DOCK1: variants seen among roughly 807,000 people sequenced by gnomAD.
DOCK1 encodes the protein dedicator of cytokinesis 1, also known as dedicator of cytokinesis protein 1.
DOCK1 carries 138 observed loss-of-function variants against 262.7 expected under a neutral mutation model. The ratio of observed to expected loss-of-function variants is 0.53; its 90% CI spans 0.46 to 0.61. The LOEUF (loss-of-function observed/expected upper bound fraction) is 0.61. Among genes scored for constraint, DOCK1 ranks in the 20% least tolerant of loss-of-function variants. The pLI is 0.00. For missense variants in DOCK1, 1,908 were observed against 2,370.7 expected (o/e 0.80, Z 4.05); for synonymous variants, 866 against 867.4 (o/e 1.00, Z 0.03).
intron 38 of DOCK1, among the ~76,000 whole-genome samples, chr10:127,394,452 C>T (rs1255585599): frequency 6.6e-6 from 1 of 151,286 alleles, no homozygotes; most frequent in Non-Finnish European, 1.5e-5. Context: ...ATCTCTTTTC[C>T]AAGTATTTGG....
chr10:127,247,417 CA>C (rs1229403949), intron 27 of DOCK1, among the ~76,000 whole-genome samples: 3 of 152,084 alleles, frequency 2.0e-5, no homozygotes, highest in Non-Finnish European at 4.4e-5. Context: ...ACATCGGGCA[CA>C]GGGGGATACA....
intron 29 of DOCK1, among the ~76,000 whole-genome samples, chr10:127,313,090 G>A (rs1475075147): frequency 6.6e-6 from 1 of 152,068 alleles, no homozygotes; most frequent in Non-Finnish European, 1.5e-5. Flanking sequence ...CTCTCTGCTA[G>A]ACATCATGAC....
chr10:127,201,328 G>A (rs2057449013), intron 27 of DOCK1, among the ~76,000 whole-genome samples: 1 of 152,222 alleles, frequency 6.6e-6, no homozygotes, highest in Non-Finnish European at 1.5e-5. Flanking sequence ...GGTCCTGGCA[G>A]CCGAGCCGTG....
At chr10:127,006,836 G>C (rs2041064752) in intron 10 of DOCK1, among the ~76,000 whole-genome samples, 1 of 152,264 alleles carries the variant, frequency 6.6e-6, no homozygotes, top group African/African-American at 2.4e-5. Context: ...AGCTCTGCAG[G>C]CACCCAGCAA....
intron 27 of DOCK1, among the ~76,000 whole-genome samples, chr10:127,247,558 A>G (rs964096128): frequency 6.6e-6 from 1 of 152,088 alleles, no homozygotes; most frequent in Non-Finnish European, 1.5e-5. Context: ...CATGATTTCC[A>G]TCCTGTCTTT....
intron 27 of DOCK1, among the ~76,000 whole-genome samples, chr10:127,204,835 A>G (rs189512425): frequency 1.2e-4 from 18 of 152,270 alleles, no homozygotes; most frequent in Admixed American, 1.0e-3. Context: ...GATACCCTCA[A>G]TGGCTGCTCT....
In DOCK1 at chr10:127,175,603, C is replaced by T; in HGVS notation, c.2847+47839C>T. The T allele has an allele frequency of 1.2e-6, 2 of 1,612,492 alleles. No homozygotes were observed. Among genetic ancestry groups the T allele is most frequent in the Non-Finnish European group, 1.7e-6 (2 of 1,179,896 alleles). On this transcript the variant is annotated intron_variant, in intron 27 of 51. Transcript: ENST00000623213. The surrounding 1 kb of genome is among the most constrained non-coding windows in gnomAD (Gnocchi z 6.3). Reference sequence around the variant, plus strand: ...GAGTCTGACAAACCAGGCTCGGGGGCCCTGGCACTGAGGGCAGGTGCGTAA... The same window carrying T: ...GAGTCTGACAAACCAGGCTCGGGGGTCCTGGCACTGAGGGCAGGTGCGTAA...
chr10:126,956,396 C>T (rs1308210051), intron 1 of DOCK1, among the ~76,000 whole-genome samples: 1 of 152,192 alleles, frequency 6.6e-6, no homozygotes, highest in Non-Finnish European at 1.5e-5. Context: ...CATCTACCCT[C>T]TGTCTAGTTA....
At chr10:127,352,163 G>C (rs1202602385) in intron 31 of DOCK1, among the ~76,000 whole-genome samples, 4 of 147,918 alleles carry the variant, frequency 2.7e-5, no homozygotes, top group Admixed American at 6.7e-5. Context: ...GGCGGGGAGG[G>C]GTGGGGAGCA....
chr10:127,079,884 T>C (rs1156772917), intron 23 of DOCK1, among the ~76,000 whole-genome samples: 2 of 152,166 alleles, frequency 1.3e-5, no homozygotes, highest in African/African-American at 4.8e-5. Context: ...TGAGCCAACA[T>C]TGCGCCACTG....
rs147129820 is a variant in DOCK1, at chr10:127,189,169, G to C, written c.2848-58839G>C. Reference sequence around the variant, plus strand: ...ATCACCACCAGAAGGTTCCAACCTTGAGTGGCTGATTAAAAACTGTACGGT... The same window carrying C: ...ATCACCACCAGAAGGTTCCAACCTTCAGTGGCTGATTAAAAACTGTACGGT... On this transcript the variant is annotated intron_variant, in intron 27 of 51. Coordinates refer to ENST00000623213, the MANE Select transcript of DOCK1 (RefSeq NM_001290223.2). Among the ~76,000 whole-genome samples the C allele has an allele frequency of 8.2e-3, 1,253 of 152,336 alleles. 70 individuals carry two copies. The highest frequency in any genetic ancestry group is 0.078 in the Admixed American group (1,188 of 15,304).
intron 29 of DOCK1, among the ~76,000 whole-genome samples, chr10:127,321,060 C>T (rs574708244): frequency 5.6e-4 from 86 of 152,254 alleles, no homozygotes; most frequent in African/African-American, 1.9e-3. Context: ...CATCAATAAG[C>T]CCACATTACC....
chr10:127,431,995 C>T (rs2069322663), intron 47 of DOCK1, among the ~76,000 whole-genome samples: 1 of 152,118 alleles, frequency 6.6e-6, no homozygotes, highest in South Asian at 2.1e-4. Flanking sequence ...CTCATGGGAG[C>T]ATGAACTCGA....
chr10:127,088,562 T>C (rs2047332644), intron 23 of DOCK1, among the ~76,000 whole-genome samples: 1 of 152,230 alleles, frequency 6.6e-6, no homozygotes, highest in Admixed American at 6.5e-5. Flanking sequence ...TGGTGCTTTT[T>C]AAGTAACTCA....
intron 27 of DOCK1, among the ~76,000 whole-genome samples, chr10:127,204,708 T>A (rs898294495): frequency 6.6e-6 from 1 of 152,242 alleles, no homozygotes; most frequent in African/African-American, 2.4e-5. Flanking sequence ...ATTCATTTTA[T>A]TTGTGTTTCC....
At chr10:127,188,207 C>A (rs2056454163) in intron 27 of DOCK1, among the ~76,000 whole-genome samples, 1 of 152,136 alleles carries the variant, frequency 6.6e-6, no homozygotes, top group Non-Finnish European at 1.5e-5. Flanking sequence ...CTGGGCTGTG[C>A]TGTGCACAAA....
At chr10:127,178,772 G>T (rs1445457838) in intron 27 of DOCK1, among the ~76,000 whole-genome samples, 1 of 152,152 alleles carries the variant, frequency 6.6e-6, no homozygotes. Flanking sequence ...GGCCCCGTTT[G>T]GGATGGCTAG....
At chr10:127,132,479 A>T (rs2050383197) in intron 27 of DOCK1, among the ~76,000 whole-genome samples, 1 of 152,188 alleles carries the variant, frequency 6.6e-6, no homozygotes, top group Admixed American at 6.5e-5. Context: ...CATGGAGTGA[A>T]ATACTTATTT....
At chr10:127,312,868 C>G (rs970088210) in intron 29 of DOCK1, among the ~76,000 whole-genome samples, 1 of 150,838 alleles carries the variant, frequency 6.6e-6, no homozygotes, top group African/African-American at 2.5e-5. Flanking sequence ...CTGCTGGTCT[C>G]TGGACCTCCT....
Sources: gnomAD v4.1 joint callset for allele counts (sites outside exome capture counted in the v4.1 genomes callset) on GRCh38, gnomAD v4.1.1 for gene constraint, Gnocchi (gnomAD v3.1) non-coding constraint, MANE v1.5 for transcripts, NCBI Gene and HGNC (gene_info 2026-07-23, HGNC 2026-07-21) for gene names.